The following ZFR2 variants were observed in gnomAD, a reference collection of about 807,000 sequenced individuals.
The protein encoded by ZFR2 is zinc finger RNA-binding protein 2.
A neutral mutation model predicts 105.7 loss-of-function variants in ZFR2; 104 were observed. The observed-to-expected ratio is 0.98, with a 90% CI of 0.84 to 1.16. The LOEUF (loss-of-function observed/expected upper bound fraction) is 1.16. Among genes scored for constraint, ZFR2 ranks in the 50% most tolerant of loss-of-function variants. The probability of loss-of-function intolerance (pLI) is 0.00; values close to 1 mark genes in which losing one functional copy is unlikely to be tolerated. For missense variants in ZFR2, 1,425 were observed against 1,355.5 expected (o/e 1.05, Z -0.80); for synonymous variants, 634 against 597.7 (o/e 1.06, Z -0.89).
chr19:3,839,493 C>T (rs115400014), intron 1 of ZFR2, among the ~76,000 whole-genome samples: 3,305 of 126,252 alleles, frequency 0.026, 127 homozygotes, highest in African/African-American at 0.092. Context: ...GAGCCGAGAC[C>T]GCTCCATTCC....
At position 3,804,058 on chromosome 19, in the gene ZFR2, A is replaced by G. The variant is rs1408805589; in HGVS notation, c.*1891T>C. 1.3e-5 allele frequency: 2 copies of G among 152,188 alleles called. No homozygotes were observed. The highest frequency in any genetic ancestry group is 2.9e-5 in the Non-Finnish European group (2 of 68,090). 9.4% of individuals were successfully genotyped at this position (152,188 alleles called of 1,614,324 possible). On this transcript the variant is annotated 3_prime_UTR_variant, in exon 19 of 19. Transcript: ENST00000262961. ...TTTCCTTTATTCCCCCTGCCTCCCAATTTCCAGGTAGCTCTACAAAGACAT... is the reference window on the plus strand; with the variant it reads ...TTTCCTTTATTCCCCCTGCCTCCCAGTTTCCAGGTAGCTCTACAAAGACAT...
chr19:3,846,194 C>G (rs370828401), intron 1 of ZFR2, among the ~76,000 whole-genome samples: 17 of 152,242 alleles, frequency 1.1e-4, no homozygotes, highest in East Asian at 5.8e-4. Flanking sequence ...CCAGGCTGTT[C>G]TTGAACGCCT....
chr19:3,819,011 G>C (rs1239768099), intron 12 of ZFR2, 34 bp downstream of exon 12: 8 of 1,600,760 alleles, frequency 5.0e-6, no homozygotes, highest in Admixed American at 3.4e-5. Context: ...TCCTGGCTGA[G>C]AGCCGGGCCC....
intron 1 of ZFR2, chr19:3,852,245 T>A (rs749192113): frequency 1.1e-5 from 6 of 562,110 alleles, no homozygotes; most frequent in South Asian, 2.1e-5. Context: ...GCTGGATGGC[T>A]CTCCTGGCCA....
At position 3,823,110 on chromosome 19, in the gene ZFR2, G is replaced by A; in HGVS notation, c.1371+136C>T. The A allele has an allele frequency of 1.6e-6, 2 of 1,270,668 alleles. No individual in the cohort carries two copies. The highest frequency in any genetic ancestry group is 4.7e-5 in the East Asian group (2 of 42,994). 78.7% of individuals were successfully genotyped at this position (1,270,668 alleles called of 1,614,324 possible). On this transcript the variant is annotated intron_variant, in intron 8 of 18. Coordinates refer to ENST00000262961, the MANE Select transcript of ZFR2 (RefSeq NM_015174.2). The surrounding 1 kb of genome is among the most constrained non-coding windows in gnomAD (Gnocchi z 5.4). ...TCTGCACGGGGTTTTGGTCCATGGAGGTCTGGCCTGTGCAGCTCAGGAACG... is the reference window on the plus strand; with the variant it reads ...TCTGCACGGGGTTTTGGTCCATGGAAGTCTGGCCTGTGCAGCTCAGGAACG...
intron 16 of ZFR2, among the ~76,000 whole-genome samples, chr19:3,809,859 G>A (rs1056605685): frequency 7.9e-5 from 12 of 152,134 alleles, no homozygotes; most frequent in Non-Finnish European, 1.2e-4. Context: ...CAGGAGAATC[G>A]CTTGAGCCCA....
intron 1 of ZFR2, among the ~76,000 whole-genome samples, chr19:3,865,151 A>T (rs2038415245): frequency 6.6e-6 from 1 of 152,346 alleles, no homozygotes; most frequent in South Asian, 2.1e-4. Flanking sequence ...CTAAAAAAAA[A>T]TATGAGATTC....
Position 3,838,982 on chromosome 19 carries a change from G to A in ZFR2, c.54-3999C>T, listed in dbSNP as rs1420005960. On this transcript the variant is annotated intron_variant, in intron 1 of 18. Coordinates refer to ENST00000262961, the MANE Select transcript of ZFR2 (RefSeq NM_015174.2). This position sits in a 1 kb window ranked among gnomAD's most constrained non-coding sequence, Gnocchi z 4.9. ...CGGCGCTTGTGTTGGGGAGGGCTCTGTCAGACACCTCAGCCTGTTTCTCCA... is the reference window on the plus strand; with the variant it reads ...CGGCGCTTGTGTTGGGGAGGGCTCTATCAGACACCTCAGCCTGTTTCTCCA... Among the ~76,000 whole-genome samples, 1 of 152,102 alleles carries A rather than the reference G, an allele frequency of 6.6e-6. No homozygotes were observed. Among genetic ancestry groups the A allele is most frequent in the Admixed American group, 6.6e-5 (1 of 15,254 alleles).
At chr19:3,819,292 T>TGGGCTGGC in intron 11 of ZFR2, 57 bp from the exon 12 acceptor site, 1 of 1,400,266 alleles carries the variant, frequency 7.1e-7, no homozygotes, top group Non-Finnish European at 9.2e-7. Flanking sequence ...TGGGGAGTGC[T>TGGGCTGGC]GGGCAGGCGG....
intron 1 of ZFR2, among the ~76,000 whole-genome samples, chr19:3,853,966 C>T (rs1218212106): frequency 1.3e-5 from 2 of 151,924 alleles, no homozygotes; most frequent in Non-Finnish European, 2.9e-5. Flanking sequence ...TGCCTGTAGT[C>T]CCAGCTACTT....
At chr19:3,849,558 C>T (rs1054785427) in intron 1 of ZFR2, among the ~76,000 whole-genome samples, 1 of 152,250 alleles carries the variant, frequency 6.6e-6, no homozygotes, top group African/African-American at 2.4e-5. Context: ...GACAAATGTT[C>T]CCAGACCTTG....
At position 3,804,862 on chromosome 19, in the gene ZFR2, TTTTG is replaced by T. The variant is rs142608101; in HGVS notation, c.*1083_*1086del. On this transcript the variant is annotated 3_prime_UTR_variant, in exon 19 of 19. Coordinates refer to ENST00000262961, the MANE Select transcript of ZFR2 (RefSeq NM_015174.2). ...ATGCCGCAGCCGCATCCAAAGAAAG[TTTTG>T]TTTGTTTGTTTGTTTGTTTGTTTGT... is the stretch of plus-strand genomic sequence containing the variant. The T allele has an allele frequency of 5.0e-3, 763 of 153,146 alleles. 5 individuals carry two copies. Among genetic ancestry groups the T allele is most frequent in the East Asian group, 0.013 (68 of 5,178 alleles). The allele number at this position is 153,146 out of a possible 1,614,324, so 9.5% of individuals were successfully genotyped here.
intron 5 of ZFR2, among the ~76,000 whole-genome samples, chr19:3,828,655 C>A: frequency 6.6e-6 from 1 of 152,280 alleles, no homozygotes; most frequent in Non-Finnish European, 1.5e-5. Flanking sequence ...TCTGGGGAAG[C>A]GACAGCCAAG....
intron 17 of ZFR2, among the ~76,000 whole-genome samples, chr19:3,808,352 T>C (rs961679298): frequency 4.6e-5 from 7 of 152,272 alleles, no homozygotes; most frequent in Admixed American, 3.3e-4. Flanking sequence ...TATCATCCTA[T>C]GTCACTAAAA....
At chr19:3,865,830 A>AT (rs763487222) in intron 1 of ZFR2, among the ~76,000 whole-genome samples, 19 of 151,902 alleles carry the variant, frequency 1.3e-4, no homozygotes, top group Non-Finnish European at 2.2e-4. Flanking sequence ...GGCAGGTTAT[A>AT]TAAACCATAG....
At chr19:3,820,037 G>T in intron 11 of ZFR2, 145 bp downstream of exon 11, 1 of 755,914 alleles carries the variant, frequency 1.3e-6, no homozygotes, top group African/African-American at 1.7e-5. Flanking sequence ...TCCCATCTGT[G>T]GAGTGAGGAG....
At chr19:3,867,301 T>C (rs2038442384) in intron 1 of ZFR2, among the ~76,000 whole-genome samples, 2 of 57,092 alleles carry the variant, frequency 3.5e-5, no homozygotes, top group African/African-American at 2.1e-4. Context: ...AATGATCAAC[T>C]GTTGGGGGGG....
chr19:3,811,286 C>T lies in ZFR2; in HGVS notation c.2323G>A (p.Ala775Thr). ...GCCCCCCTGACCTGAAACCACCTGG[C>T]ATGACGGAGGGCGGCCAGGGACTCG... is the stretch of plus-strand genomic sequence containing the variant. ...CLESLAALRH[A>T]RWFQARASGL... Residue 775 changes from alanine (A) to threonine (T), a missense_variant, in exon 15 of 19, where the codon GCC becomes ACC. Transcript: ENST00000262961. The T allele has an allele frequency of 6.3e-7, 1 of 1,597,666 alleles. No homozygotes were observed.
chr19:3,824,322 C>T (rs1156553139), intron 7 of ZFR2, among the ~76,000 whole-genome samples: 4 of 152,178 alleles, frequency 2.6e-5, no homozygotes, highest in East Asian at 1.9e-4. Flanking sequence ...AAACAAACCA[C>T]GAAAAAAGAG....
Sources: gnomAD v4.1 joint callset for allele counts (sites outside exome capture counted in the v4.1 genomes callset) on GRCh38, gnomAD v4.1.1 for gene constraint, Gnocchi (gnomAD v3.1) non-coding constraint, MANE v1.5 for transcripts, NCBI Gene and HGNC (gene_info 2026-07-23, HGNC 2026-07-21) for gene names.